EAF2: variants seen among roughly 807,000 people sequenced by gnomAD.
EAF2 encodes the protein ELL associated factor 2.
Under a neutral mutation model 29.4 loss-of-function variants are expected in EAF2, and 29 were observed. The ratio of observed to expected loss-of-function variants is 0.99; its 90% confidence interval spans 0.73 to 1.35. The LOEUF (loss-of-function observed/expected upper bound fraction) is 1.35. EAF2 is among the 40% of genes most tolerant of loss of function. The pLI is 0.00. For missense variants in EAF2, 292 were observed against 312.0 expected, an observed-to-expected ratio of 0.94 and a Z score of 0.48; for synonymous variants, 103 against 102.5, an observed-to-expected ratio of 1.00 and a Z score of -0.03.
At chr3:121,841,839 C>G (rs940427888) in intron 1 of EAF2, among the ~76,000 whole-genome samples, 1 of 151,956 alleles carries the variant, frequency 6.6e-6, no homozygotes, top group Admixed American at 6.6e-5. Context: ...GAAACCGTCT[C>G]TACTGAAAAT....
chr3:121,864,362 C>T (rs1341829040), intron 4 of EAF2, among the ~76,000 whole-genome samples: 1 of 152,192 alleles, frequency 6.6e-6, no homozygotes, highest in Non-Finnish European at 1.5e-5. Context: ...GTCCAGAACC[C>T]TTGGCGATAC....
At chr3:121,853,141 C>G (rs978726141) in intron 2 of EAF2, among the ~76,000 whole-genome samples, 2 of 151,986 alleles carry the variant, frequency 1.3e-5, no homozygotes, top group Non-Finnish European at 2.9e-5. Context: ...ATAGCAAATC[C>G]CAGACAATGT....
chr3:121,871,706 A>G lies in EAF2; in HGVS notation c.485-831A>G, dbSNP rs11914593. On this transcript the variant is annotated intron_variant, in intron 4 of 5. Transcript: ENST00000273668. ...TGTACTAAGATGATATCAAATGTCAATGTGTTAACTGAGTGTATTATTCAC... is the reference window on the plus strand; with the variant it reads ...TGTACTAAGATGATATCAAATGTCAGTGTGTTAACTGAGTGTATTATTCAC... Among the ~76,000 whole-genome samples the G allele has an allele frequency of 1.0e-2, 1,515 of 152,144 alleles. 18 individuals carry two copies. The highest frequency in any genetic ancestry group is 0.034 in the African/African-American group (1,411 of 41,552).
chr3:121,848,369 G>A (rs1576640074), intron 2 of EAF2, among the ~76,000 whole-genome samples: 1 of 152,094 alleles, frequency 6.6e-6, no homozygotes, highest in East Asian at 1.9e-4. Context: ...TAATTCAATG[G>A]AAATATACTT....
At chr3:121,839,015 AT>A (rs542959860) in intron 1 of EAF2, among the ~76,000 whole-genome samples, 8 of 152,028 alleles carry the variant, frequency 5.3e-5, no homozygotes, top group Non-Finnish European at 1.0e-4. Flanking sequence ...TCAACCCAAA[AT>A]TTTTTTTGTG....
chr3:121,870,578 A>G (rs1708994025), intron 4 of EAF2, among the ~76,000 whole-genome samples: 1 of 152,172 alleles, frequency 6.6e-6, no homozygotes, highest in African/African-American at 2.4e-5. Flanking sequence ...TCTTCTCAAG[A>G]GACACCATTA....
intron 5 of EAF2, among the ~76,000 whole-genome samples, chr3:121,881,465 A>G (rs115309462): frequency 0.01 from 1,549 of 152,028 alleles, 27 homozygotes; most frequent in African/African-American, 0.033. Context: ...AAATTTATCA[A>G]TTATCATTAG....
chr3:121,870,682 T>C (rs1381475792), intron 4 of EAF2, among the ~76,000 whole-genome samples: 2 of 151,968 alleles, frequency 1.3e-5, no homozygotes, highest in Non-Finnish European at 2.9e-5. Flanking sequence ...GCCAGAAGAA[T>C]TAGCTATAAA....
chr3:121,839,830 T>C (rs1708373614), intron 1 of EAF2, among the ~76,000 whole-genome samples: 1 of 152,198 alleles, frequency 6.6e-6, no homozygotes, highest in Admixed American at 6.5e-5. Context: ...CTAGAGCCAC[T>C]ATGTGGAGAA....
intron 4 of EAF2, among the ~76,000 whole-genome samples, chr3:121,866,258 C>T (rs949217997): frequency 2.6e-5 from 4 of 152,106 alleles, no homozygotes; most frequent in Non-Finnish European, 5.9e-5. Context: ...AAGACCAAGA[C>T]AATACTGTAA....
At chr3:121,877,871 T>A (rs1709127975) in intron 5 of EAF2, among the ~76,000 whole-genome samples, 2 of 152,094 alleles carry the variant, frequency 1.3e-5, no homozygotes, top group South Asian at 2.1e-4. Context: ...AGCCTCGAAC[T>A]CAGGGGCTCA....
intron 4 of EAF2, among the ~76,000 whole-genome samples, chr3:121,860,193 T>G (rs1026625172): frequency 6.6e-6 from 1 of 152,206 alleles, no homozygotes; most frequent in Non-Finnish European, 1.5e-5. Context: ...ATCAAATGAG[T>G]TAGGCAGGAT....
At chr3:121,880,020 A>C (rs1418595962) in intron 5 of EAF2, among the ~76,000 whole-genome samples, 1 of 152,060 alleles carries the variant, frequency 6.6e-6, no homozygotes, top group African/African-American at 2.4e-5. Flanking sequence ...TGAACATGGC[A>C]TGTCTTTCCA....
At chr3:121,882,348 C>CA (rs56339909) in intron 5 of EAF2, among the ~76,000 whole-genome samples, 19 of 135,866 alleles carry the variant, frequency 1.4e-4, no homozygotes, top group South Asian at 4.7e-4. Context: ...GACTCTGTCT[C>CA]AAAAAAAAAA....
At chr3:121,881,752 C>A (rs759950839) in intron 5 of EAF2, among the ~76,000 whole-genome samples, 37 of 152,016 alleles carry the variant, frequency 2.4e-4, no homozygotes, top group Non-Finnish European at 3.8e-4. Context: ...CTCAGGCAAT[C>A]CACCCACCTC....
intron 1 of EAF2, among the ~76,000 whole-genome samples, chr3:121,842,808 C>T (rs1708459751): frequency 6.6e-6 from 1 of 152,114 alleles, no homozygotes; most frequent in Non-Finnish European, 1.5e-5. Flanking sequence ...AGTCCAAACC[C>T]TTTTTCAAGC....
Position 121,872,602 on chromosome 3 carries a change from A to C in EAF2, c.550A>C (p.Ser184Arg), listed in dbSNP as rs759371140. The C allele has an allele frequency of 1.6e-5, 26 of 1,612,756 alleles. No homozygotes were observed. In the African/African-American group the frequency reaches 3.5e-4, roughly 22 times the overall value. Residue 184 changes from serine (S) to arginine (R), a missense_variant, in exon 5 of 6, where the codon AGT (serine) becomes CGT (arginine). Ser to Arg is a moderately radical substitution (Grantham distance 110). Coordinates refer to ENST00000273668, the MANE Select transcript of EAF2 (RefSeq NM_018456.6). ...SSCDSSSDSKSSSSSSSEDSS... is the reference protein window; with the variant it reads ...SSCDSSSDSKRSSSSSSEDSS... ...TTGTGATAGTTCATCAGATTCCAAA[A>C]GTTCATCATCTTCAAGTAGTGAGGA...
chr3:121,852,360 T>C (rs1470864533), intron 2 of EAF2, among the ~76,000 whole-genome samples: 1 of 152,152 alleles, frequency 6.6e-6, no homozygotes, highest in Non-Finnish European at 1.5e-5. Context: ...ATCTGAAAAA[T>C]TTACTTACCA....
intron 1 of EAF2, among the ~76,000 whole-genome samples, chr3:121,842,240 C>T (rs1228428199): frequency 6.6e-6 from 1 of 152,036 alleles, no homozygotes; most frequent in Non-Finnish European, 1.5e-5. Flanking sequence ...AGTATAGGCA[C>T]CCACATAGGG....
Sources: gnomAD v4.1 joint callset for allele counts (sites outside exome capture counted in the v4.1 genomes callset) on GRCh38, gnomAD v4.1.1 for gene constraint, MANE v1.5 for transcripts, NCBI Gene and HGNC (gene_info 2026-07-23, HGNC 2026-07-21) for gene names.